Variants in PLEKHG7 observed in about 807,000 individuals in gnomAD.
PLEKHG7 encodes the protein pleckstrin homology and RhoGEF domain containing G7.
A neutral mutation model predicts 85.2 loss-of-function variants in PLEKHG7; 77 were observed. That is an observed-to-expected ratio of 0.90 (90% confidence interval 0.75 to 1.09). PLEKHG7 has a LOEUF of 1.09. Ranked by LOEUF, PLEKHG7 falls within the 50% of genes least tolerant of loss-of-function variation. The probability of loss-of-function intolerance (pLI) is 0.00; values close to 1 mark genes in which losing one functional copy is unlikely to be tolerated. For synonymous variants in PLEKHG7, 301 were observed against 302.4 expected (o/e 1.00, Z 0.05); for missense variants, 777 against 804.3 (o/e 0.97, Z 0.41).
chr12:92,730,645 C>T (rs1404173978), intron 4 of PLEKHG7, among the ~76,000 whole-genome samples: 1 of 152,230 alleles, frequency 6.6e-6, no homozygotes, highest in Non-Finnish European at 1.5e-5. Flanking sequence ...GTGTCGAACT[C>T]CTGACCTTAG....
At chr12:92,738,387 A>G (rs988107144) in intron 7 of PLEKHG7, among the ~76,000 whole-genome samples, 1 of 152,202 alleles carries the variant, frequency 6.6e-6, no homozygotes, top group Non-Finnish European at 1.5e-5. Flanking sequence ...TTACACAGCC[A>G]AAAGGCACTG....
intron 3 of PLEKHG7, among the ~76,000 whole-genome samples, chr12:92,714,010 T>C (rs1441945959): frequency 6.6e-6 from 1 of 152,150 alleles, no homozygotes; most frequent in African/African-American, 2.4e-5. Flanking sequence ...CAGATTTCTG[T>C]TTATATAAAT....
chr12:92,761,627 AAAGAAAG>A (rs1195532402), intron 13 of PLEKHG7, 118 bp from the exon 14 acceptor site: 26 of 79,364 alleles, frequency 3.3e-4, no homozygotes, highest in Non-Finnish European at 4.0e-4. Context: ...AAGAAAGAAG[AAAGAAAG>A]AAAGAAAGAA....
intron 9 of PLEKHG7, among the ~76,000 whole-genome samples, chr12:92,744,225 C>T (rs137965371): frequency 1.5e-3 from 225 of 152,254 alleles, no homozygotes; most frequent in African/African-American, 5.1e-3. Context: ...CATTGGGATA[C>T]GATTGGAAAT....
At chr12:92,743,559 G>A (rs1010867648) in intron 9 of PLEKHG7, among the ~76,000 whole-genome samples, 5 of 151,950 alleles carry the variant, frequency 3.3e-5, no homozygotes, top group Admixed American at 6.6e-5. Context: ...ATTTTTGGTG[G>A]GGGAGGGGGT....
rs1871903382 is a variant in PLEKHG7 at position 92,728,976 on chromosome 12, T to C, written c.531-17T>C. ...ATGATATTTCGGTGTGGTTTTCCTTTTATCTCTTGAGCACAGGTTCTACGA... is the reference window on the plus strand; with the variant it reads ...ATGATATTTCGGTGTGGTTTTCCTTCTATCTCTTGAGCACAGGTTCTACGA... On this transcript the variant is annotated splice_polypyrimidine_tract_variant and intron_variant, in intron 3 of 16. Transcript: ENST00000344636. The C allele has an allele frequency of 2.4e-6, 3 of 1,231,316 alleles. No individual in the cohort carries two copies. The allele number at this position is 1,231,316 out of a possible 1,614,324, so 76.3% of individuals were successfully genotyped here. A position where few individuals can be genotyped will look rare whatever the true frequency, so the allele number is the denominator to read the frequency against.
chr12:92,727,476 G>A (rs1871848465), intron 3 of PLEKHG7, among the ~76,000 whole-genome samples: 1 of 152,008 alleles, frequency 6.6e-6, no homozygotes. Context: ...GGTACCCATT[G>A]TATAGTGCCC....
At chr12:92,739,622 G>A (rs1872289333) in intron 7 of PLEKHG7, among the ~76,000 whole-genome samples, 1 of 152,120 alleles carries the variant, frequency 6.6e-6, no homozygotes, top group Non-Finnish European at 1.5e-5. Context: ...AAGTATATAT[G>A]TACCTTCCTT....
intron 13 of PLEKHG7, among the ~76,000 whole-genome samples, chr12:92,758,237 T>C (rs998877099): frequency 2.6e-5 from 4 of 152,164 alleles, no homozygotes; most frequent in African/African-American, 9.7e-5. Context: ...TACCTCCCAA[T>C]ACTGCAAGAT....
intron 14 of PLEKHG7, among the ~76,000 whole-genome samples, chr12:92,762,446 CA>C (rs1465245113): frequency 6.6e-6 from 1 of 152,178 alleles, no homozygotes. Context: ...GCTAGAGCTA[CA>C]AAATCTCTAT....
intron 10 of PLEKHG7, among the ~76,000 whole-genome samples, chr12:92,747,613 C>T (rs1240226725): frequency 6.6e-6 from 1 of 152,182 alleles, no homozygotes; most frequent in African/African-American, 2.4e-5. Context: ...TCCTCCCATG[C>T]TTATTGCAGC....
At chr12:92,708,401 C>T (rs1565785736) in intron 3 of PLEKHG7, 2 of 152,200 alleles carry the variant, frequency 1.3e-5, no homozygotes. Context: ...GGATAACATC[C>T]ATGTACACAT....
chr12:92,731,526 A>C (rs1356391891), intron 4 of PLEKHG7, among the ~76,000 whole-genome samples: 1 of 152,198 alleles, frequency 6.6e-6, no homozygotes, highest in Non-Finnish European at 1.5e-5. Flanking sequence ...CCTAAGAGAC[A>C]ATTTTCAGCT....
At chr12:92,757,598 T>TTG (rs1438910184) in intron 13 of PLEKHG7, among the ~76,000 whole-genome samples, 4 of 152,234 alleles carry the variant, frequency 2.6e-5, no homozygotes, top group Non-Finnish European at 5.9e-5. Context: ...TTTTCATACA[T>TTG]TGTCTCTTTC....
intron 13 of PLEKHG7, among the ~76,000 whole-genome samples, chr12:92,760,578 TTACTC>T (rs1203657792): frequency 1.3e-5 from 2 of 152,140 alleles, no homozygotes; most frequent in African/African-American, 4.8e-5. Context: ...TTTCCTATGA[TTACTC>T]TAAGCACTTG....
chr12:92,712,963 C>T (rs1871391949), intron 3 of PLEKHG7, among the ~76,000 whole-genome samples: 1 of 152,128 alleles, frequency 6.6e-6, no homozygotes, highest in Non-Finnish European at 1.5e-5. Flanking sequence ...AGCCAGTGTC[C>T]AGTAGTCCCC....
At chr12:92,760,536 A>G (rs1872957098) in intron 13 of PLEKHG7, among the ~76,000 whole-genome samples, 1 of 152,108 alleles carries the variant, frequency 6.6e-6, no homozygotes, top group African/African-American at 2.4e-5. Flanking sequence ...TATATAATCT[A>G]AATAGAACAA....
chr12:92,706,675 A>T lies in PLEKHG7; in HGVS notation c.44A>T (p.Asp15Val), dbSNP rs747438809. Residue 15 changes from aspartate (D) to valine (V), a missense_variant, in exon 2 of 17, where the codon GAC becomes GTC. Transcript: ENST00000344636. ...TTCTGTCCAGAGGTGCCACCCCAAG[A>T]CTGTGGAGCCTCTCCTCGGCCCTCG... ...ESFCPEVPPQ[D>V]CGASPRPSLR... is the part of the protein sequence containing the mutation. 1 of 1,614,062 alleles carries T rather than the reference A, an allele frequency of 6.2e-7. No individual in the cohort carries two copies. The highest frequency in any genetic ancestry group is 8.5e-7 in the Non-Finnish European group (1 of 1,179,994).
At chr12:92,721,702 C>CAAAAAAAAAAAA (rs71069170) in intron 3 of PLEKHG7, among the ~76,000 whole-genome samples, 3 of 43,368 alleles carry the variant, frequency 6.9e-5, no homozygotes, top group Non-Finnish European at 8.7e-5. Flanking sequence ...AGCATAAAAC[C>CAAAAAAAAAAAA]AAAAAAAAAA....
Sources: allele counts gnomAD v4.1 joint callset (sites outside exome capture counted in the v4.1 genomes callset), GRCh38; gene constraint gnomAD v4.1.1; transcripts MANE v1.5; gene names NCBI Gene and HGNC (gene_info 2026-07-23, HGNC 2026-07-21).